The following GSK3B variants were observed in gnomAD, a reference collection of about 807,000 sequenced individuals.
GSK3B encodes glycogen synthase kinase-3 beta.
Under a neutral mutation model 56.4 loss-of-function variants are expected in GSK3B, and 15 were observed. The observed-to-expected ratio is 0.27, with a 90% CI of 0.18 to 0.41. GSK3B has a LOEUF of 0.41. Among genes scored for constraint, GSK3B ranks in the 10% least tolerant of loss-of-function variants. GSK3B has a pLI of 1.00. For missense variants in GSK3B, 300 were observed against 513.4 expected, an observed-to-expected ratio of 0.58 and a Z score of 4.02; for synonymous variants, 181 against 188.9, an observed-to-expected ratio of 0.96 and a Z score of 0.34.
intron 2 of GSK3B, among the ~76,000 whole-genome samples, chr3:119,988,557 T>C (rs993898502): frequency 3.3e-5 from 5 of 152,210 alleles, no homozygotes; most frequent in Non-Finnish European, 5.9e-5. Flanking sequence ...AAGGCAAAAA[T>C]GCCCTTGGAA....
At chr3:119,978,465 G>T (rs1559861490) in intron 2 of GSK3B, among the ~76,000 whole-genome samples, 1 of 152,128 alleles carries the variant, frequency 6.6e-6, no homozygotes, top group South Asian at 2.1e-4. Context: ...GTCTTTAACT[G>T]CCAGCCGCGT....
At chr3:119,996,886 T>C (rs76072130) in intron 2 of GSK3B, among the ~76,000 whole-genome samples, 2,448 of 152,008 alleles carry the variant, frequency 0.016, 63 homozygotes, top group African/African-American at 0.056. Context: ...AAAGCACTAA[T>C]ACATAAAATA....
At chr3:119,976,782 A>G (rs1305233986) in intron 2 of GSK3B, among the ~76,000 whole-genome samples, 1 of 151,480 alleles carries the variant, frequency 6.6e-6, no homozygotes, top group African/African-American at 2.4e-5. Context: ...AAAAAAAAAA[A>G]AAATAGAAAG....
intron 1 of GSK3B, among the ~76,000 whole-genome samples, chr3:120,017,438 T>C (rs993843660): frequency 1.3e-5 from 2 of 152,188 alleles, no homozygotes; most frequent in Non-Finnish European, 1.5e-5. Context: ...TAGACATCCC[T>C]TTGGTCCTCA....
At chr3:119,848,616 T>TA (rs1486655726) in intron 9 of GSK3B, among the ~76,000 whole-genome samples, 1 of 152,122 alleles carries the variant, frequency 6.6e-6, no homozygotes, top group Non-Finnish European at 1.5e-5. Context: ...CCTAAGACCC[T>TA]AGCAAGGGAA....
At chr3:119,828,566 G>A (rs900879578) in intron 10 of GSK3B, among the ~76,000 whole-genome samples, 3 of 152,184 alleles carry the variant, frequency 2.0e-5, no homozygotes, top group Non-Finnish European at 4.4e-5. Flanking sequence ...GATCTACCAT[G>A]TGCTATGGTG....
intron 2 of GSK3B, among the ~76,000 whole-genome samples, chr3:119,970,133 A>T (rs1030686443): frequency 2.0e-5 from 3 of 152,202 alleles, no homozygotes; most frequent in African/African-American, 7.2e-5. Context: ...TTGATTTATA[A>T]ACTTTACTAT....
chr3:119,882,316 T>C (rs2056389090), intron 7 of GSK3B, among the ~76,000 whole-genome samples: 1 of 152,166 alleles, frequency 6.6e-6, no homozygotes, highest in Non-Finnish European at 1.5e-5. Context: ...GTACTCACTC[T>C]CACATCCTTC....
rs141825686 is a variant in GSK3B at position 120,073,963 on chromosome 3, C to T, written c.88+19384G>A. 6.0e-4 allele frequency among the ~76,000 whole-genome samples: 91 copies of T among 152,136 alleles called. No homozygotes were observed. In the East Asian group the frequency reaches 0.014, roughly 23 times the overall value. On this transcript the variant is annotated intron_variant, in intron 1 of 10. Transcript: ENST00000264235. ...CACAAAAAGAGAGGAGTCCAAAATA[C>T]ACAAAATGAGAAATGAAAGTGGAGA... is the stretch of plus-strand genomic sequence containing the variant.
At chr3:119,920,091 CTTGTT>C (rs1407047678) in intron 4 of GSK3B, among the ~76,000 whole-genome samples, 1 of 152,130 alleles carries the variant, frequency 6.6e-6, no homozygotes, top group Non-Finnish European at 1.5e-5. Context: ...TTGAACATAC[CTTGTT>C]TTGTCAATCT....
At chr3:119,971,986 C>T (rs2057372386) in intron 2 of GSK3B, among the ~76,000 whole-genome samples, 1 of 152,162 alleles carries the variant, frequency 6.6e-6, no homozygotes, top group South Asian at 2.1e-4. Flanking sequence ...TAACTAAGTT[C>T]CCTAATTTCT....
chr3:119,958,623 C>A (rs951026719), intron 2 of GSK3B, among the ~76,000 whole-genome samples: 1 of 151,852 alleles, frequency 6.6e-6, no homozygotes, highest in African/African-American at 2.4e-5. Flanking sequence ...GGCTACAGTG[C>A]GCTATGATTG....
intron 1 of GSK3B, among the ~76,000 whole-genome samples, chr3:120,055,291 T>A (rs1055805992): frequency 6.6e-6 from 1 of 152,148 alleles, no homozygotes; most frequent in Non-Finnish European, 1.5e-5. Context: ...TCAAAAAGAA[T>A]ATAATTTATT....
chr3:119,835,162 G>A (rs1225861461), intron 10 of GSK3B, among the ~76,000 whole-genome samples: 1 of 152,186 alleles, frequency 6.6e-6, no homozygotes, highest in Non-Finnish European at 1.5e-5. Context: ...GTGCACACAT[G>A]CACACTGTAC....
At chr3:119,904,123 T>C (rs573058568) in intron 7 of GSK3B, among the ~76,000 whole-genome samples, 2 of 152,202 alleles carry the variant, frequency 1.3e-5, no homozygotes, top group Admixed American at 1.3e-4. Flanking sequence ...TACCTCTAAC[T>C]TCATCAATAA....
intron 2 of GSK3B, among the ~76,000 whole-genome samples, chr3:119,973,675 C>CT (rs1006803566): frequency 6.6e-6 from 1 of 152,154 alleles, no homozygotes; most frequent in African/African-American, 2.4e-5. Context: ...ATTCATATAA[C>CT]TTTTTTACAG....
chr3:119,940,358 G>A (rs1228731939), intron 3 of GSK3B, among the ~76,000 whole-genome samples: 1 of 151,924 alleles, frequency 6.6e-6, no homozygotes, highest in Non-Finnish European at 1.5e-5. Flanking sequence ...AAATTAAGAA[G>A]GAACTGTTCT....
chr3:119,843,057 A>C (rs1325590961), intron 10 of GSK3B, among the ~76,000 whole-genome samples, 198 bp downstream of exon 10: 1 of 151,954 alleles, frequency 6.6e-6, no homozygotes, highest in Admixed American at 6.6e-5. Flanking sequence ...CTGGGATTAC[A>C]GGCACCTGCC....
Position 119,821,873 on chromosome 3 carries a change from G to A in GSK3B, c.*4915C>T, listed in dbSNP as rs1027198729. 2 of 172,978 alleles carry A rather than the reference G, an allele frequency of 1.2e-5. No homozygotes were observed. The highest frequency in any genetic ancestry group is 2.4e-5 in the African/African-American group (1 of 42,144). The allele number at this position is 172,978 out of a possible 1,614,324, so 10.7% of individuals were successfully genotyped here. On this transcript the variant is annotated 3_prime_UTR_variant, in exon 11 of 11. Coordinates refer to ENST00000264235, the MANE Select transcript of GSK3B (RefSeq NM_001146156.2). Reference sequence around the variant, plus strand: ...TAATTAGAGGAATGGAAATGGTGATGTGACTACATATTGCAGCGGCAAAAT... The same window carrying A: ...TAATTAGAGGAATGGAAATGGTGATATGACTACATATTGCAGCGGCAAAAT...
Sources: allele counts gnomAD v4.1 joint callset (sites outside exome capture counted in the v4.1 genomes callset), GRCh38; gene constraint gnomAD v4.1.1; transcripts MANE v1.5; gene names NCBI Gene and HGNC (gene_info 2026-07-23, HGNC 2026-07-21).